RBFOX1: variants seen among roughly 807,000 people sequenced by gnomAD.
The protein encoded by RBFOX1 is RNA binding fox-1 homolog 1.
A neutral mutation model predicts 57.7 loss-of-function variants in RBFOX1; 8 were observed. That is an observed-to-expected ratio of 0.14 (90% CI 0.08 to 0.25). RBFOX1 has a LOEUF of 0.25. Among genes scored for constraint, RBFOX1 ranks in the 10% least tolerant of loss-of-function variants. RBFOX1 has a pLI of 1.00. For missense variants in RBFOX1, 611 were observed against 548.5 expected (o/e 1.11, Z -1.14); for synonymous variants, 326 against 222.4 (o/e 1.47, Z -4.15).
At chr16:5,506,156 T>C (rs2043370209) in intron 2 of RBFOX1, among the ~76,000 whole-genome samples, 1 of 152,158 alleles carries the variant, frequency 6.6e-6, no homozygotes, top group South Asian at 2.1e-4. Context: ...AAATCATTAA[T>C]GTGCCTGTCT....
chr16:5,942,687 A>C (rs142104535), intron 4 of RBFOX1, among the ~76,000 whole-genome samples: 147 of 152,190 alleles, frequency 9.7e-4, no homozygotes, highest in African/African-American at 3.2e-3. Flanking sequence ...CTTTCTCCCA[A>C]AGTTAGCTTG....
At position 6,168,056 on chromosome 16, in the gene RBFOX1, A is replaced by G. The variant is rs934444485; in HGVS notation, c.-127+148064A>G. Among the ~76,000 whole-genome samples, 33 of 152,134 alleles carry G rather than the reference A, an allele frequency of 2.2e-4. 1 individual carries two copies. The highest frequency in any genetic ancestry group is 4.4e-4 in the Non-Finnish European group (30 of 68,028). ...ATGGAGACTGACAGTTTTGTCTGTG[A>G]TATATTCAGGGAGACATATCTATTA... On this transcript the variant is annotated intron_variant, in intron 1 of 15. Transcript: ENST00000550418.
intron 1 of RBFOX1, among the ~76,000 whole-genome samples, chr16:5,417,280 G>GA (rs2067186585): frequency 6.6e-6 from 1 of 152,190 alleles, no homozygotes; most frequent in East Asian, 1.9e-4. Context: ...CAATGTGTCC[G>GA]AACGTAATTT....
At chr16:7,217,922 G>A (rs1210415240) in intron 4 of RBFOX1, among the ~76,000 whole-genome samples, 1 of 151,584 alleles carries the variant, frequency 6.6e-6, no homozygotes, top group Non-Finnish European at 1.5e-5. Context: ...GTGTGTGAGT[G>A]TAGGTGTGTG....
intron 3 of RBFOX1, among the ~76,000 whole-genome samples, chr16:6,680,409 C>T (rs1257321420): frequency 6.6e-6 from 1 of 151,614 alleles, no homozygotes; most frequent in Non-Finnish European, 1.5e-5. Context: ...ACTACAGGCA[C>T]CTGCCACCAC....
intron 2 of RBFOX1, among the ~76,000 whole-genome samples, chr16:5,538,568 C>T: frequency 6.6e-6 from 1 of 151,016 alleles, no homozygotes; most frequent in South Asian, 2.1e-4. Flanking sequence ...TGTTATCAGG[C>T]ATTTATATAT....
chr16:7,510,221 A>G, intron 4 of RBFOX1: 1 of 985,894 alleles, frequency 1.0e-6, no homozygotes, highest in Non-Finnish European at 1.2e-6. Flanking sequence ...CTCGCTCGTA[A>G]TTGAGGCGTG....
chr16:6,681,284 C>G (rs1454821683), intron 3 of RBFOX1, among the ~76,000 whole-genome samples: 1 of 152,106 alleles, frequency 6.6e-6, no homozygotes, highest in Non-Finnish European at 1.5e-5. Flanking sequence ...CACCACTGCA[C>G]TCCAGTTTAG....
At chr16:6,942,244 C>T (rs924296006) in intron 3 of RBFOX1, among the ~76,000 whole-genome samples, 2 of 152,096 alleles carry the variant, frequency 1.3e-5, no homozygotes, top group African/African-American at 4.8e-5. Context: ...CCCACCACTG[C>T]ACTTCAGCCT....
intron 3 of RBFOX1, among the ~76,000 whole-genome samples, chr16:6,806,526 C>T (rs945107641): frequency 1.3e-4 from 20 of 152,096 alleles, no homozygotes; most frequent in African/African-American, 4.6e-4. Context: ...TGAATGAGTT[C>T]ACCATCTTAC....
At chr16:5,992,169 A>G (rs1439247407) in intron 4 of RBFOX1, among the ~76,000 whole-genome samples, 1 of 152,188 alleles carries the variant, frequency 6.6e-6, no homozygotes, top group Non-Finnish European at 1.5e-5. Flanking sequence ...TGAAGAAAAA[A>G]AAAGAGAAAA....
At chr16:7,631,337 G>A (rs897897056) in intron 11 of RBFOX1, among the ~76,000 whole-genome samples, 1 of 152,174 alleles carries the variant, frequency 6.6e-6, no homozygotes, top group Non-Finnish European at 1.5e-5. Flanking sequence ...AATAAATACA[G>A]GAAGTAGATC....
chr16:5,856,855 C>G (rs1023531485), intron 3 of RBFOX1, among the ~76,000 whole-genome samples: 1 of 151,870 alleles, frequency 6.6e-6, no homozygotes, highest in Non-Finnish European at 1.5e-5. Flanking sequence ...ATCCAGACCA[C>G]TGAAACTTTG....
At chr16:7,249,751 C>G (rs2094440865) in intron 4 of RBFOX1, among the ~76,000 whole-genome samples, 1 of 152,156 alleles carries the variant, frequency 6.6e-6, no homozygotes, top group South Asian at 2.1e-4. Context: ...TCCACCATAA[C>G]AAACCGACAG....
At chr16:7,336,770 A>G (rs2096796242) in intron 4 of RBFOX1, among the ~76,000 whole-genome samples, 1 of 152,218 alleles carries the variant, frequency 6.6e-6, no homozygotes, top group African/African-American at 2.4e-5. Context: ...CCACCTTCCT[A>G]TATCTGTAAT....
chr16:7,170,101 T>G (rs890521549), intron 4 of RBFOX1, among the ~76,000 whole-genome samples: 7 of 152,058 alleles, frequency 4.6e-5, no homozygotes, highest in African/African-American at 7.2e-5. Flanking sequence ...AAATAAGTAT[T>G]TGGTGTATGC....
At chr16:6,930,870 G>A (rs1016991668) in intron 3 of RBFOX1, among the ~76,000 whole-genome samples, 1 of 152,002 alleles carries the variant, frequency 6.6e-6, no homozygotes, top group East Asian at 1.9e-4. Context: ...GTAATAGCAT[G>A]TTCCTATCCA....
At chr16:5,730,940 C>G (rs115012242) in intron 3 of RBFOX1, among the ~76,000 whole-genome samples, 5 of 148,826 alleles carry the variant, frequency 3.4e-5, no homozygotes, top group African/African-American at 1.2e-4. Context: ...GTGTCACCAT[C>G]ATCACTATCA....
rs534497322 is a variant in RBFOX1 at position 6,596,430 on chromosome 16, G to C, written c.-63-58173G>C. Among the ~76,000 whole-genome samples the C allele has an allele frequency of 3.3e-5, 5 of 152,312 alleles. No homozygotes were observed. In the East Asian group the frequency reaches 9.7e-4, roughly 29 times the overall value. On this transcript the variant is annotated intron_variant, in intron 2 of 15. Coordinates refer to ENST00000550418, the MANE Select transcript of RBFOX1 (RefSeq NM_018723.4). ...TTTGACCCTAGGGTGCGTCACTGCA[G>C]TTGTTTAATTGTAGAATGTAAATAT...
Sources: gnomAD v4.1 joint callset for allele counts (sites outside exome capture counted in the v4.1 genomes callset) on GRCh38, gnomAD v4.1.1 for gene constraint, MANE v1.5 for transcripts, NCBI Gene and HGNC (gene_info 2026-07-23, HGNC 2026-07-21) for gene names.